The following TENM4 variants were observed in gnomAD, a reference collection of about 807,000 sequenced individuals.
The protein encoded by TENM4 is teneurin-4.
In TENM4, 82 loss-of-function variants were observed where a neutral mutation model predicts 243.3. That is an observed-to-expected ratio of 0.34 (90% CI 0.28 to 0.40). TENM4 has a LOEUF of 0.40. TENM4 is among the 10% of genes least tolerant of loss of function. TENM4 has a pLI of 1.00. For missense variants in TENM4, 3,138 were observed against 3,673.3 expected (o/e 0.85, Z 3.77); for synonymous variants, 1,412 against 1,456.3 (o/e 0.97, Z 0.69).
chr11:78,944,538 C>A (rs541401381), intron 6 of TENM4, among the ~76,000 whole-genome samples: 9 of 152,166 alleles, frequency 5.9e-5, no homozygotes, highest in Non-Finnish European at 1.2e-4. Context: ...TTCAAAAGGG[C>A]AGAAATCACA....
chr11:79,219,666 C>T (rs952196929), intron 2 of TENM4, among the ~76,000 whole-genome samples: 2 of 152,180 alleles, frequency 1.3e-5, no homozygotes, highest in African/African-American at 4.8e-5. Context: ...TTCTTTTCCT[C>T]TCTAGGCAAG....
Position 78,669,857 on chromosome 11 carries a change from A to C in TENM4, c.6488T>G (p.Met2163Arg). ...ATCATACTGGACGGTCATCCAGTAC[A>C]TGAGCGAGCGGAAGATCTCATACTG... ...EVQYEIFRSL[M>R]YWMTVQYDNM... The change falls in exon 32 of 34, where the codon ATG (methionine) becomes AGG (arginine). Residue 2163 changes from methionine (M) to arginine (R), a missense_variant. Around this residue, in one of 2 missense-constraint regions of TENM4, gnomAD observed 2,467 missense variants for 3,059.1 expected, o/e 0.81. Transcript: ENST00000278550. The surrounding 1 kb of genome is among the most constrained non-coding windows in gnomAD (Gnocchi z 6.4). 6.2e-7 allele frequency: 1 copy of C among 1,613,798 alleles called. No homozygotes were observed. The highest frequency in any genetic ancestry group is 1.1e-5 in the South Asian group (1 of 91,010).
intron 1 of TENM4, among the ~76,000 whole-genome samples, chr11:79,307,779 C>T (rs1363299656): frequency 1.3e-5 from 2 of 152,210 alleles, no homozygotes; most frequent in South Asian, 2.1e-4. Context: ...TGCCCAGGCC[C>T]CCCAGATCCA....
At chr11:79,141,390 G>T (rs1285244131) in intron 4 of TENM4, among the ~76,000 whole-genome samples, 1 of 146,992 alleles carries the variant, frequency 6.8e-6, no homozygotes, top group Non-Finnish European at 1.5e-5. Flanking sequence ...GGAAAACCTA[G>T]AAGAAGTGGA....
At chr11:78,868,777 T>A (rs1859050689) in intron 9 of TENM4, among the ~76,000 whole-genome samples, 1 of 152,172 alleles carries the variant, frequency 6.6e-6, no homozygotes, top group Admixed American at 6.5e-5. Context: ...CATCTGTGCA[T>A]CAGCAGCTCC....
intron 4 of TENM4, among the ~76,000 whole-genome samples, chr11:79,123,396 C>T (rs1861785461): frequency 1.3e-5 from 2 of 152,150 alleles, no homozygotes; most frequent in Admixed American, 1.3e-4. Flanking sequence ...GGTAGTCTGG[C>T]CCCAAGGTAT....
intron 7 of TENM4, among the ~76,000 whole-genome samples, chr11:78,901,490 T>C (rs1215190982): frequency 6.6e-6 from 1 of 152,098 alleles, no homozygotes; most frequent in African/African-American, 2.4e-5. Context: ...ACACTAACCA[T>C]TAGGAAAACC....
intron 1 of TENM4, among the ~76,000 whole-genome samples, chr11:79,392,935 C>T (rs1858266358): frequency 6.6e-6 from 1 of 152,154 alleles, no homozygotes; most frequent in Non-Finnish European, 1.5e-5. Context: ...GAAGACACAA[C>T]TAAGAATTTA....
At chr11:79,044,838 C>G (rs1475942240) in intron 6 of TENM4, among the ~76,000 whole-genome samples, 1 of 152,126 alleles carries the variant, frequency 6.6e-6, no homozygotes, top group East Asian at 1.9e-4. Context: ...CATTTGTATC[C>G]CCGGGGCCTG....
intron 2 of TENM4, among the ~76,000 whole-genome samples, chr11:79,246,841 G>T (rs2135294270): frequency 6.7e-6 from 1 of 150,374 alleles, no homozygotes; most frequent in South Asian, 2.1e-4. Flanking sequence ...TTGTTTCTTG[G>T]GAGGAGCCCA....
At chr11:79,283,629 G>T (rs1565282684) in intron 2 of TENM4, among the ~76,000 whole-genome samples, 1 of 152,138 alleles carries the variant, frequency 6.6e-6, no homozygotes, top group Admixed American at 6.5e-5. Context: ...AAGACTAAAA[G>T]CTTTCCCCCT....
At chr11:79,233,512 T>C (rs998034378) in intron 2 of TENM4, among the ~76,000 whole-genome samples, 1 of 152,016 alleles carries the variant, frequency 6.6e-6, no homozygotes, top group Admixed American at 6.6e-5. Context: ...ACCTGGTAAG[T>C]GATGGCACAG....
At chr11:78,845,619 C>T (rs1044659326) in intron 12 of TENM4, among the ~76,000 whole-genome samples, 4 of 152,120 alleles carry the variant, frequency 2.6e-5, no homozygotes, top group Admixed American at 6.5e-5. Context: ...ACCGAACAGG[C>T]GGCCTCACAT....
At chr11:79,292,201 T>G (rs912455707) in intron 2 of TENM4, among the ~76,000 whole-genome samples, 1 of 152,142 alleles carries the variant, frequency 6.6e-6, no homozygotes, top group Non-Finnish European at 1.5e-5. Context: ...CCATGAGGTC[T>G]TGGGGAAGGC....
rs1475180989 is a variant in TENM4, at chr11:78,988,741, C to A, written c.493+75997G>T. Among the ~76,000 whole-genome samples, 3 of 152,212 alleles carry A rather than the reference C, an allele frequency of 2.0e-5. No homozygotes were observed. The East Asian group carries it at 5.8e-4, about 29-fold the overall frequency. On this transcript the variant is annotated intron_variant, in intron 6 of 33. Transcript: ENST00000278550. ...CTAGGCTAGACTGCAGTGGCATAATCACAGCTCACTACAGCCTCCACCTTC... is the reference window on the plus strand; with the variant it reads ...CTAGGCTAGACTGCAGTGGCATAATAACAGCTCACTACAGCCTCCACCTTC...
intron 3 of TENM4, among the ~76,000 whole-genome samples, chr11:79,176,919 G>A (rs992508276): frequency 1.3e-5 from 2 of 152,062 alleles, no homozygotes; most frequent in African/African-American, 4.8e-5. Context: ...TCAGGGTGGG[G>A]GCAGGTTCCT....
At chr11:78,987,142 G>T (rs1197174194) in intron 6 of TENM4, among the ~76,000 whole-genome samples, 2 of 152,010 alleles carry the variant, frequency 1.3e-5, no homozygotes, top group African/African-American at 4.8e-5. Context: ...TTTCCAGCTG[G>T]GTACTTTCGT....
At chr11:79,213,347 A>G (rs1863987877) in intron 3 of TENM4, among the ~76,000 whole-genome samples, 1 of 152,178 alleles carries the variant, frequency 6.6e-6, no homozygotes, top group South Asian at 2.1e-4. Context: ...TGCAGGGGCC[A>G]ACAAAGTAGG....
rs1463323661 is a variant in TENM4 at position 79,069,702 on chromosome 11, C to T, written c.223+20G>A. The T allele has an allele frequency of 1.9e-6, 3 of 1,539,536 alleles. No individual in the cohort carries two copies. The highest frequency in any genetic ancestry group is 2.6e-6 in the Non-Finnish European group (3 of 1,140,016). The stretch of plus-strand genomic sequence containing the variant: ...AAGCTCACCTGCGCCTGAGGCCCGC[C>T]CCCTCGGCCTTGTCCTTACCTGTGC... On this transcript the variant is annotated intron_variant, in intron 5 of 33. Coordinates refer to ENST00000278550, the MANE Select transcript of TENM4 (RefSeq NM_001098816.3).
Sources: gnomAD v4.1 joint callset for allele counts (sites outside exome capture counted in the v4.1 genomes callset) on GRCh38, gnomAD v4.1.1 for gene constraint, gnomAD v4.1.1 regional missense constraint, Gnocchi (gnomAD v3.1) non-coding constraint, MANE v1.5 for transcripts, NCBI Gene and HGNC (gene_info 2026-07-23, HGNC 2026-07-21) for gene names.